FARS2: variants seen among roughly 807,000 people sequenced by gnomAD.
FARS2 encodes the protein phenylalanyl-tRNA synthetase 2, mitochondrial, also known as phenylalanine--tRNA ligase, mitochondrial.
A neutral mutation model predicts 46.4 loss-of-function variants in FARS2; 40 were observed. That is an observed-to-expected ratio of 0.86 (90% confidence interval 0.67 to 1.12). The LOEUF is 1.12. Ranked by LOEUF, FARS2 falls within the 50% of genes most tolerant of loss-of-function variation. FARS2 has a pLI of 0.00. For synonymous variants in FARS2, 234 were observed against 214.9 expected (o/e 1.09, Z -0.78); for missense variants, 513 against 567.9 (o/e 0.90, Z 0.98).
intron 6 of FARS2, among the ~76,000 whole-genome samples, chr6:5,754,102 T>C (rs1044846621): frequency 6.6e-5 from 10 of 152,352 alleles, no homozygotes; most frequent in Middle Eastern, 3.4e-3. Context: ...CTATCTTTTA[T>C]TGAGTATTTA....
chr6:5,574,162 C>A lies in FARS2; in HGVS notation c.1065+28822C>A, dbSNP rs138346000. ...TTTGTTTTGTTTTGAGACAGAGTCT[C>A]ACTCTGTCATCCAGGCTGGACTACA... On this transcript the variant is annotated intron_variant, in intron 5 of 6. Transcript: ENST00000274680. 6.3e-3 allele frequency among the ~76,000 whole-genome samples: 966 copies of A among 152,224 alleles called. 8 individuals carry two copies. Among genetic ancestry groups the A allele is most frequent in the African/African-American group, 0.022 (901 of 41,526 alleles).
intron 4 of FARS2, among the ~76,000 whole-genome samples, chr6:5,493,545 T>TA (rs1767264955): frequency 6.6e-6 from 1 of 152,186 alleles, no homozygotes; most frequent in Admixed American, 6.5e-5. Context: ...TAGGGGACCT[T>TA]ATGTCTACCC....
intron 1 of FARS2, among the ~76,000 whole-genome samples, chr6:5,267,046 T>C (rs1765593183): frequency 6.6e-6 from 1 of 152,134 alleles, no homozygotes; most frequent in Non-Finnish European, 1.5e-5. Context: ...ACACTCTAGC[T>C]TCATTGATTG....
chr6:5,375,244 T>G (rs1012382787), intron 2 of FARS2, among the ~76,000 whole-genome samples: 12 of 152,060 alleles, frequency 7.9e-5, no homozygotes, highest in African/African-American at 2.9e-4. Context: ...AGGGACAATA[T>G]AGAAAAATTA....
chr6:5,324,437 T>C (rs1770209001), intron 1 of FARS2, among the ~76,000 whole-genome samples: 1 of 150,528 alleles, frequency 6.6e-6, no homozygotes, highest in Non-Finnish European at 1.5e-5. Flanking sequence ...GGAAAGAGAC[T>C]ATTTGCTTTT....
chr6:5,537,456 T>C (rs1770279028), intron 4 of FARS2, among the ~76,000 whole-genome samples: 1 of 137,362 alleles, frequency 7.3e-6, no homozygotes, highest in African/African-American at 2.7e-5. Flanking sequence ...GTCCCGGGCC[T>C]CCTCTCGAGC....
chr6:5,557,062 T>G (rs1771706062), intron 5 of FARS2, among the ~76,000 whole-genome samples: 1 of 152,114 alleles, frequency 6.6e-6, no homozygotes, highest in South Asian at 2.1e-4. Context: ...AAAGAGATCA[T>G]CAGAATAGGG....
intron 6 of FARS2, among the ~76,000 whole-genome samples, chr6:5,667,389 A>G (rs568483485): frequency 6.6e-6 from 1 of 152,000 alleles, no homozygotes; most frequent in Non-Finnish European, 1.5e-5. Flanking sequence ...GTGGTGGTGC[A>G]TGCCTAAAGT....
chr6:5,769,384 G>A (rs539630367), intron 6 of FARS2, among the ~76,000 whole-genome samples: 1 of 152,352 alleles, frequency 6.6e-6, no homozygotes, highest in South Asian at 2.1e-4. Flanking sequence ...GAGAGCCTCT[G>A]TTTTCCTCTC....
At chr6:5,680,371 G>C (rs1453183722) in intron 6 of FARS2, among the ~76,000 whole-genome samples, 1 of 152,212 alleles carries the variant, frequency 6.6e-6, no homozygotes, top group Admixed American at 6.5e-5. Context: ...TTGGGCAGCT[G>C]TCACCTGCCA....
At chr6:5,563,515 A>G (rs931829079) in intron 5 of FARS2, among the ~76,000 whole-genome samples, 2 of 152,150 alleles carry the variant, frequency 1.3e-5, no homozygotes, top group Non-Finnish European at 2.9e-5. Context: ...CTTTTCCTAC[A>G]TCATTCCCCC....
intron 5 of FARS2, among the ~76,000 whole-genome samples, chr6:5,612,523 T>G (rs1775245461): frequency 6.6e-6 from 1 of 152,184 alleles, no homozygotes; most frequent in Non-Finnish European, 1.5e-5. Flanking sequence ...ACAAATACAG[T>G]AACTTCTAAA....
At chr6:5,292,870 G>A (rs906426135) in intron 1 of FARS2, among the ~76,000 whole-genome samples, 1 of 152,184 alleles carries the variant, frequency 6.6e-6, no homozygotes, top group African/African-American at 2.4e-5. Flanking sequence ...TTCAGTGATA[G>A]GGATGATGGA....
intron 6 of FARS2, among the ~76,000 whole-genome samples, chr6:5,683,710 G>A (rs143248538): frequency 9.2e-5 from 14 of 151,788 alleles, no homozygotes; most frequent in East Asian, 7.8e-4. Flanking sequence ...CCGTCAACCC[G>A]TCATCTAGGT....
intron 2 of FARS2, among the ~76,000 whole-genome samples, chr6:5,370,407 G>A (rs1039265920): frequency 2.0e-5 from 3 of 152,086 alleles, no homozygotes; most frequent in African/African-American, 7.2e-5. Flanking sequence ...TATTTTCCAA[G>A]TTAGGAAAAA....
intron 4 of FARS2, among the ~76,000 whole-genome samples, chr6:5,533,514 A>G (rs79588317): frequency 1.4e-4 from 22 of 152,232 alleles, no homozygotes; most frequent in Non-Finnish European, 2.1e-4. Context: ...AGCACTTGCT[A>G]TGTGCCAGTG....
intron 5 of FARS2, among the ~76,000 whole-genome samples, chr6:5,603,868 C>T (rs920076869): frequency 6.6e-6 from 1 of 152,172 alleles, no homozygotes; most frequent in East Asian, 1.9e-4. Flanking sequence ...CAAGTCAATC[C>T]ATAACAGAGC....
intron 4 of FARS2, among the ~76,000 whole-genome samples, chr6:5,490,580 A>G (rs904117408): frequency 6.6e-6 from 1 of 152,170 alleles, no homozygotes; most frequent in Non-Finnish European, 1.5e-5. Flanking sequence ...GTCTCTTCCC[A>G]TATTTTGTCA....
intron 1 of FARS2, among the ~76,000 whole-genome samples, chr6:5,346,579 CT>C (rs1757243002): frequency 6.6e-6 from 1 of 152,094 alleles, no homozygotes; most frequent in Admixed American, 6.6e-5. Context: ...AATCCTGTGC[CT>C]ACTTTTCCCA....
Sources: gnomAD v4.1 joint callset for allele counts (sites outside exome capture counted in the v4.1 genomes callset) on GRCh38, gnomAD v4.1.1 for gene constraint, MANE v1.5 for transcripts, NCBI Gene and HGNC (gene_info 2026-07-23, HGNC 2026-07-21) for gene names.